The following VPS35L variants were observed in gnomAD, a reference collection of about 807,000 sequenced individuals.
VPS35L encodes VPS35 endosomal protein-sorting factor-like.
A neutral mutation model predicts 133.0 loss-of-function variants in VPS35L; 83 were observed. The ratio of observed to expected loss-of-function variants is 0.62; its 90% CI spans 0.52 to 0.75. The LOEUF is 0.75. Ranked by LOEUF, VPS35L falls within the 30% of genes least tolerant of loss-of-function variation. The pLI is 0.00. For synonymous variants in VPS35L, 423 were observed against 449.9 expected, an observed-to-expected ratio of 0.94 and a Z score of 0.76; for missense variants, 1,083 against 1,206.8, an observed-to-expected ratio of 0.90 and a Z score of 1.52.
intron 1 of VPS35L, among the ~76,000 whole-genome samples, chr16:19,560,267 G>A (rs1970986351): frequency 6.6e-6 from 1 of 152,156 alleles, no homozygotes; most frequent in Non-Finnish European, 1.5e-5. Flanking sequence ...CGGAGGTAAA[G>A]GCTGGCCCAG....
chr16:19,645,296 T>A (rs192839523), intron 23 of VPS35L, among the ~76,000 whole-genome samples: 1 of 149,392 alleles, frequency 6.7e-6, no homozygotes, highest in African/African-American at 2.4e-5. Flanking sequence ...TTTTCTTTTT[T>A]TTTTTTTTTT....
At chr16:19,627,884 T>C in intron 16 of VPS35L, 79 bp downstream of exon 16, 1 of 1,171,022 alleles carries the variant, frequency 8.5e-7, no homozygotes, top group Non-Finnish European at 1.3e-6. Context: ...AGTCCGGTTT[T>C]GGGAACAGCA....
chr16:19,592,981 C>G (rs896923145), intron 8 of VPS35L, among the ~76,000 whole-genome samples: 1 of 152,116 alleles, frequency 6.6e-6, no homozygotes, highest in African/African-American at 2.4e-5. Flanking sequence ...CCACTGTGCC[C>G]AGCCTCACTG....
In VPS35L at chr16:19,647,780, C is replaced by T. The variant is rs1226398254; in HGVS notation, c.1930-4C>T. The T allele has an allele frequency of 6.2e-7, 1 of 1,612,994 alleles. No homozygotes were observed. On this transcript the variant is annotated splice_region_variant and splice_polypyrimidine_tract_variant and intron_variant, in intron 23 of 30. Transcript: ENST00000417362. ...CCTTTCAGCGTCTTTCTCCTTGATT[C>T]TAGGTTTCCTTTGGCCGTGATTTTG... is the stretch of plus-strand genomic sequence containing the variant.
chr16:19,636,045 G>A (rs1973613193), intron 19 of VPS35L, among the ~76,000 whole-genome samples: 1 of 152,102 alleles, frequency 6.6e-6, no homozygotes, highest in East Asian at 1.9e-4. Context: ...AATTAGATGG[G>A]TGTGGTGGCG....
chr16:19,626,415 G>A (rs571902885), intron 15 of VPS35L, among the ~76,000 whole-genome samples, 192 bp downstream of exon 15: 1 of 152,128 alleles, frequency 6.6e-6, no homozygotes, highest in Non-Finnish European at 1.5e-5. Context: ...ACCTTGGGCC[G>A]CTTGCTTGAC....
intron 7 of VPS35L, chr16:19,581,975 A>T (rs1429166222): frequency 2.0e-5 from 5 of 248,148 alleles, no homozygotes; most frequent in Non-Finnish European, 3.9e-5. Context: ...CACATTTATG[A>T]TTTGTACACA....
In VPS35L at chr16:19,691,389, A is replaced by G; in HGVS notation, c.2564A>G (p.Lys855Arg). The G allele has an allele frequency of 6.2e-7, 1 of 1,613,934 alleles. No individual in the cohort carries two copies. The highest frequency in any genetic ancestry group is 8.5e-7 in the Non-Finnish European group (1 of 1,179,876). The change falls in exon 29 of 31, where the codon AAG becomes AGG. Residue 855 changes from lysine to arginine, a missense_variant. By Grantham distance (26) the Lys-to-Arg change is conservative (BLOSUM62 2). Transcript: ENST00000417362. The stretch of plus-strand genomic sequence containing the variant: ...GACAGCCTCTACGGGGGAGACTCCA[A>G]GTTCCTGGCAGAAAACAACAAGCTG... ...SNDSLYGGDS[K>R]FLAENNKLCE...
At chr16:19,618,113 T>A (rs1345260132) in intron 14 of VPS35L, 7 of 144,610 alleles carry the variant, frequency 4.8e-5, no homozygotes, top group African/African-American at 1.8e-4. Context: ...AAAAAGACTG[T>A]GATAGATGAA....
chr16:19,631,487 G>GT (rs993812355), intron 18 of VPS35L, among the ~76,000 whole-genome samples: 20 of 151,630 alleles, frequency 1.3e-4, no homozygotes, highest in African/African-American at 1.9e-4. Flanking sequence ...GATTTTTGTG[G>GT]TTTTTTTTGG....
chr16:19,621,325 T>C (rs1973073530), intron 14 of VPS35L, among the ~76,000 whole-genome samples: 2 of 152,158 alleles, frequency 1.3e-5, no homozygotes, highest in Non-Finnish European at 2.9e-5. Context: ...ACATGGAAGT[T>C]GGGAGGGGGG....
At chr16:19,629,090 T>C (rs1973364154) in intron 17 of VPS35L, among the ~76,000 whole-genome samples, 1 of 152,170 alleles carries the variant, frequency 6.6e-6, no homozygotes, top group East Asian at 1.9e-4. Context: ...ATTTAAACTT[T>C]AAATCAACCA....
chr16:19,637,552 TTAAG>T, intron 19 of VPS35L, 38 bp from the exon 20 acceptor site: 1 of 1,394,702 alleles, frequency 7.2e-7, no homozygotes, highest in Non-Finnish European at 9.7e-7. Flanking sequence ...TTTTTAAAAA[TTAAG>T]TTTTTAAAAA....
chr16:19,693,846 G>C (rs921783205), intron 29 of VPS35L, among the ~76,000 whole-genome samples: 2 of 151,662 alleles, frequency 1.3e-5, no homozygotes, highest in East Asian at 3.9e-4. Context: ...CTACTGGAGA[G>C]GCTGAGGCGG....
At chr16:19,601,606 A>C (rs1392177267) in intron 8 of VPS35L, 58 bp from the exon 9 acceptor site, 2 of 1,548,430 alleles carry the variant, frequency 1.3e-6, no homozygotes, top group African/African-American at 2.7e-5. Flanking sequence ...ACAAACATTT[A>C]TTTACTGTTT....
At chr16:19,606,548 A>G (rs971607739) in intron 9 of VPS35L, among the ~76,000 whole-genome samples, 2 of 150,680 alleles carry the variant, frequency 1.3e-5, no homozygotes, top group East Asian at 1.9e-4. Flanking sequence ...TGCAATTTCA[A>G]AATATCTGCA....
chr16:19,687,838 C>T (rs770480695), intron 28 of VPS35L, among the ~76,000 whole-genome samples: 1 of 151,952 alleles, frequency 6.6e-6, no homozygotes, highest in Non-Finnish European at 1.5e-5. Context: ...CATGGCCGGG[C>T]GCGGTGGCTC....
chr16:19,669,222 G>A lies in VPS35L; in HGVS notation c.2284G>A (p.Asp762Asn). The change falls in exon 27 of 31, where the codon GAT (aspartate) becomes AAT (asparagine). Residue 762 changes from aspartate (D) to asparagine (N), a missense_variant. Physicochemically the swap from Asp to Asn is conservative, Grantham distance 23. Coordinates refer to ENST00000417362, the MANE Select transcript of VPS35L (RefSeq NM_020314.7). ...VPEVPKMINIDGKMRPSESFL... is the reference protein window; with the variant it reads ...VPEVPKMININGKMRPSESFL... ...GGAAGTTCCAAAGATGATTAATATTGATGGGAAGATGCGGCCATCGGAATC... is the reference window on the plus strand; with the variant it reads ...GGAAGTTCCAAAGATGATTAATATTAATGGGAAGATGCGGCCATCGGAATC... The A allele has an allele frequency of 1.2e-6, 2 of 1,613,326 alleles. No homozygotes were observed. Among genetic ancestry groups the A allele is most frequent in the East Asian group, 2.2e-5 (1 of 44,878 alleles).
intron 26 of VPS35L, among the ~76,000 whole-genome samples, chr16:19,653,167 T>C (rs1029256662): frequency 1.3e-5 from 2 of 152,148 alleles, no homozygotes; most frequent in African/African-American, 4.8e-5. Flanking sequence ...ATTAACCCCC[T>C]GGCATTCTGG....
Sources: gnomAD v4.1 joint callset for allele counts (sites outside exome capture counted in the v4.1 genomes callset) on GRCh38, gnomAD v4.1.1 for gene constraint, MANE v1.5 for transcripts, NCBI Gene and HGNC (gene_info 2026-07-23, HGNC 2026-07-21) for gene names.